PPIE: variants seen among roughly 807,000 people sequenced by gnomAD.
The protein encoded by PPIE is peptidyl-prolyl cis-trans isomerase E.
A neutral mutation model predicts 38.4 loss-of-function variants in PPIE; 20 were observed. The observed-to-expected ratio is 0.52, with a 90% confidence interval of 0.37 to 0.76. The LOEUF (loss-of-function observed/expected upper bound fraction) is 0.76, where lower values mean the gene tolerates loss of function less well. PPIE is among the 30% of genes least tolerant of loss of function. PPIE has a pLI of 0.00. For synonymous variants in PPIE, 142 were observed against 135.7 expected (o/e 1.05, Z -0.32); for missense variants, 322 against 385.8 (o/e 0.83, Z 1.39).
chr1:39,739,555 G>A (rs1557439575), intron 1 of PPIE, among the ~76,000 whole-genome samples: 2 of 152,194 alleles, frequency 1.3e-5, no homozygotes, highest in African/African-American at 2.4e-5. Flanking sequence ...GATAATATGG[G>A]CCTGGCTGCG....
rs1019052392 is a variant in PPIE at position 39,754,507 on chromosome 1, G to A, written c.*1152G>A. On this transcript the variant is annotated 3_prime_UTR_variant, in exon 10 of 10. Coordinates refer to ENST00000324379, the MANE Select transcript of PPIE (RefSeq NM_006112.4). ...TTAAGAATTTCAACTGATTGGATGA[G>A]GCCTACCCACATTATGGAGGGTAAT... 2.0e-5 allele frequency among the ~76,000 whole-genome samples: 3 copies of A among 152,114 alleles called. No individual in the cohort carries two copies. Among genetic ancestry groups the A allele is most frequent in the African/African-American group, 7.2e-5 (3 of 41,426 alleles).
At chr1:39,748,115 T>C (rs1326259583) in intron 7 of PPIE, 1 of 152,184 alleles carries the variant, frequency 6.6e-6, no homozygotes, top group Admixed American at 6.5e-5. Context: ...AGGAGTTCAT[T>C]ATATATTCTG....
At chr1:39,760,463 G>A (rs138043926), downstream of PPIE, 125 of 1,614,172 alleles carry the variant, frequency 7.7e-5, no homozygotes, top group East Asian at 1.3e-3. Context: ...CGGTGCTTGC[G>A]CAGGATGACA....
Position 39,748,942 on chromosome 1 carries a change from G to T in PPIE, c.548G>T (p.Gly183Val). The change falls in exon 8 of 10, where the codon GGC becomes GTC. Residue 183 changes from glycine to valine, a missense_variant. Coordinates refer to ENST00000324379, the MANE Select transcript of PPIE (RefSeq NM_006112.4). ...CTGTGCACTCATGAAAAGGGCTTTG[G>T]CTTTAAGGGAAGCAGCTTCCACCGC... ...RCLCTHEKGF[G>V]FKGSSFHRII... is the part of the protein sequence containing the mutation. 1 of 1,614,112 alleles carries T rather than the reference G, an allele frequency of 6.2e-7. No individual in the cohort carries two copies. The highest frequency in any genetic ancestry group is 8.5e-7 in the Non-Finnish European group (1 of 1,180,022).
downstream of PPIE, chr1:39,757,211 A>G (rs1648371971): frequency 6.6e-6 from 1 of 152,266 alleles, no homozygotes; most frequent in African/African-American, 2.4e-5. Flanking sequence ...TAATGGACAG[A>G]CATAGAAGTG....
Position 39,743,910 on chromosome 1 carries a change from G to A in PPIE, c.370G>A (p.Ala124Thr). The A allele has an allele frequency of 6.2e-7, 1 of 1,612,436 alleles. No homozygotes were observed. Residue 124 changes from alanine to threonine, a missense_variant, in exon 6 of 10, where the codon GCA becomes ACA. Coordinates refer to ENST00000324379, the MANE Select transcript of PPIE (RefSeq NM_006112.4). ...KEEEGSEPPK[A>T]ETQEGEPIAK... ...GGAAGAAGGGTCAGAGCCTCCCAAA[G>A]CAGAGACCCAGGAGGTGAGAATGAA...
intron 6 of PPIE, 54 bp downstream of exon 6, chr1:39,743,978 CT>C (rs375602951): frequency 7.7e-3 from 8,866 of 1,149,078 alleles, no homozygotes; most frequent in South Asian, 0.012. Flanking sequence ...CCACAGGAGA[CT>C]TTTTTTTTTA....
rs1006812002 is a variant in PPIE, at chr1:39,755,971, C to T, written c.*2616C>T. The T allele has an allele frequency of 1.8e-5, 18 of 985,258 alleles. No homozygotes were observed. The South Asian group carries it at 2.3e-4, about 13-fold the overall frequency. 61.0% of individuals were successfully genotyped at this position (985,258 alleles called of 1,614,324 possible). A position where few individuals can be genotyped will look rare whatever the true frequency, so the allele number is the denominator to read the frequency against. On this transcript the variant is annotated 3_prime_UTR_variant, in exon 10 of 10. Transcript: ENST00000324379. Reference sequence around the variant, plus strand: ...ACTAGGCTTTAGCCTCAATCTGTGGCGGCAGGGTCCACAGCCCTGGGGAGT... The same window carrying T: ...ACTAGGCTTTAGCCTCAATCTGTGGTGGCAGGGTCCACAGCCCTGGGGAGT...
chr1:39,754,528 G>A lies in PPIE; in HGVS notation c.*1173G>A, dbSNP rs1648069925. On this transcript the variant is annotated 3_prime_UTR_variant, in exon 10 of 10. Coordinates refer to ENST00000324379, the MANE Select transcript of PPIE (RefSeq NM_006112.4). ...ATGAGGCCTACCCACATTATGGAGG[G>A]TAATCTGCTTTACTCTCTACTGACT... Among the ~76,000 whole-genome samples the A allele has an allele frequency of 6.6e-6, 1 of 152,158 alleles. No homozygotes were observed. Among genetic ancestry groups the A allele is most frequent in the Admixed American group, 6.5e-5 (1 of 15,280 alleles).
At chr1:39,759,884 T>C (rs1008867246), downstream of PPIE, 2 of 155,048 alleles carry the variant, frequency 1.3e-5, no homozygotes, top group African/African-American at 4.8e-5. Context: ...GGATCAGTGC[T>C]TCAGATCCAT....
intron 6 of PPIE, 128 bp downstream of exon 6, chr1:39,744,052 G>A: frequency 1.6e-6 from 1 of 610,230 alleles, no homozygotes; most frequent in Non-Finnish European, 2.8e-6. Flanking sequence ...TGAATTCTTA[G>A]TACTTTGGTA....
At chr1:39,751,014 C>T (rs1005359087) in intron 8 of PPIE, among the ~76,000 whole-genome samples, 2 of 152,224 alleles carry the variant, frequency 1.3e-5, no homozygotes, top group African/African-American at 2.4e-5. Context: ...CATGCTTAAG[C>T]ACAGCTGTGT....
intron 8 of PPIE, among the ~76,000 whole-genome samples, 164 bp downstream of exon 8, chr1:39,749,252 T>C (rs549121450): frequency 6.6e-6 from 1 of 152,232 alleles, no homozygotes; most frequent in Non-Finnish European, 1.5e-5. Flanking sequence ...AGGGTGGAGT[T>C]GGCTTGTTGA....
intron 9 of PPIE, chr1:39,762,704 G>T: frequency 6.8e-7 from 1 of 1,471,194 alleles, no homozygotes; most frequent in Non-Finnish European, 9.0e-7. Context: ...ATCACGGGCG[G>T]TCAGACTTGC....
chr1:39,748,911 C>T lies in PPIE; in HGVS notation c.517C>T (p.Arg173Cys), dbSNP rs757170281. 1.1e-5 allele frequency: 18 copies of T among 1,613,052 alleles called. No individual in the cohort carries two copies. The highest frequency in any genetic ancestry group is 2.2e-5 in the South Asian group (2 of 90,840). Residue 173 changes from arginine (R) to cysteine (C), a missense_variant, in exon 8 of 10, where the codon CGC (arginine) becomes TGC (cysteine). Coordinates refer to ENST00000324379, the MANE Select transcript of PPIE (RefSeq NM_006112.4). ...TCCTTTCTCAATTCCAGAGAATTTC[C>T]GCTGCCTGTGCACTCATGAAAAGGG... Reference protein sequence around the residue: ...DVVPMTAENFRCLCTHEKGFG... With the variant: ...DVVPMTAENFCCLCTHEKGFG...
At chr1:39,760,422 G>T, downstream of PPIE, 1 of 1,613,768 alleles carries the variant, frequency 6.2e-7, no homozygotes. Context: ...GGTGGACTCA[G>T]TGGCAGCCGC....
chr1:39,739,013 A>T, intron 1 of PPIE, 82 bp downstream of exon 1: 1 of 1,334,016 alleles, frequency 7.5e-7, no homozygotes. Flanking sequence ...GCATCTCTGA[A>T]CCAGGAGGAC....
intron 8 of PPIE, among the ~76,000 whole-genome samples, chr1:39,752,081 C>T (rs914463631): frequency 4.6e-5 from 7 of 152,132 alleles, no homozygotes; most frequent in African/African-American, 1.4e-4. Flanking sequence ...GCCTGGGTGA[C>T]AGAGTGATCC....
At position 39,762,738 on chromosome 1, in the gene PPIE, C is replaced by T. The variant is rs111945889; in HGVS notation, c.838-951C>T. On this transcript the variant is annotated intron_variant, in intron 9 of 9. Transcript: ENST00000356511. ...GCCAGCGTACTCGGCGGCCCGTGTG[C>T]TAAGATCACACAGCCCCCACACAGT... is the stretch of plus-strand genomic sequence containing the variant. 1,592 of 1,405,744 alleles carry T rather than the reference C, an allele frequency of 1.1e-3. 9 individuals carry two copies. The African/African-American group carries it at 0.016, about 14-fold the overall frequency. 87.1% of individuals were successfully genotyped at this position (1,405,744 alleles called of 1,614,324 possible).
Sources: gnomAD v4.1 joint callset for allele counts (sites outside exome capture counted in the v4.1 genomes callset) on GRCh38, gnomAD v4.1.1 for gene constraint, MANE v1.5 for transcripts, NCBI Gene and HGNC (gene_info 2026-07-23, HGNC 2026-07-21) for gene names.